TLK2: variants seen among roughly 807,000 people sequenced by gnomAD.
TLK2 encodes the protein serine/threonine-protein kinase tousled-like 2.
TLK2 carries 6 observed loss-of-function variants against 117.3 expected under a neutral mutation model. The observed-to-expected ratio is 0.05, with a 90% confidence interval of 0.03 to 0.10. The LOEUF is 0.10. Among genes scored for constraint, TLK2 ranks in the 10% least tolerant of loss-of-function variants. The pLI is 1.00. For missense variants in TLK2, 299 were observed against 901.2 expected (o/e 0.33, Z 8.56); for synonymous variants, 257 against 316.7 (o/e 0.81, Z 2.00).
At chr17:62,578,147 T>A (rs949698495) in intron 13 of TLK2, among the ~76,000 whole-genome samples, 2 of 152,210 alleles carry the variant, frequency 1.3e-5, no homozygotes, top group Admixed American at 1.3e-4. Context: ...AAAAAATGTT[T>A]CCATGTCTAA....
rs1598442556 is a variant in TLK2, at chr17:62,538,570, T to C, written c.531+2233T>C. 3.9e-5 allele frequency among the ~76,000 whole-genome samples: 6 copies of C among 152,286 alleles called. 1 individual carries two copies. Among genetic ancestry groups the C allele is most frequent in the Admixed American group, 3.9e-4 (6 of 15,296 alleles). ...TCCCCTTTCCATCTTCTGTAAAAAG[T>C]ATGGTATGTAGGCTTGTGGTGGATG... On this transcript the variant is annotated intron_variant, in intron 7 of 21. Coordinates refer to ENST00000346027, the MANE Select transcript of TLK2 (RefSeq NM_006852.6).
rs1022381332 is a variant in TLK2 at position 62,505,442 on chromosome 17, C to T, written c.82-15331C>T. 2.3e-4 allele frequency among the ~76,000 whole-genome samples: 12 copies of T among 52,984 alleles called. No individual in the cohort carries two copies. The Admixed American group carries it at 3.6e-3, about 16-fold the overall frequency. The allele number at this position is 52,984 out of a possible 152,430, so 34.8% of individuals were successfully genotyped here. A position where few individuals can be genotyped will look rare whatever the true frequency, so the allele number is the denominator to read the frequency against. On this transcript the variant is annotated intron_variant, in intron 2 of 21. Coordinates refer to ENST00000346027, the MANE Select transcript of TLK2 (RefSeq NM_006852.6). ...TTTTTTTTTTTTTTTTTGGTAGAGA[C>T]CGGGTCTCACTACATTGCTCAAGCT... is the stretch of plus-strand genomic sequence containing the variant.
chr17:62,591,628 C>A (rs1281673381), intron 16 of TLK2, among the ~76,000 whole-genome samples: 1 of 152,164 alleles, frequency 6.6e-6, no homozygotes, highest in East Asian at 1.9e-4. Flanking sequence ...TCAGGGGAGG[C>A]AAAATGGCCA....
intron 10 of TLK2, among the ~76,000 whole-genome samples, chr17:62,564,309 G>A (rs969159661): frequency 6.6e-6 from 1 of 152,098 alleles, no homozygotes; most frequent in South Asian, 2.1e-4. Flanking sequence ...AGGCCAAGGC[G>A]GGCAAATCAT....
intron 1 of TLK2, among the ~76,000 whole-genome samples, chr17:62,479,954 T>C (rs2071426212): frequency 6.6e-6 from 1 of 152,208 alleles, no homozygotes; most frequent in African/African-American, 2.4e-5. Context: ...CTCTTTTTTT[T>C]CCTTCTTTTT....
At chr17:62,545,692 C>T (rs1193510070) in intron 7 of TLK2, among the ~76,000 whole-genome samples, 1 of 151,914 alleles carries the variant, frequency 6.6e-6, no homozygotes, top group African/African-American at 2.4e-5. Flanking sequence ...CAAAGTTCCT[C>T]TTGTTGTTGT....
chr17:62,516,659 C>T, intron 2 of TLK2: 14 of 1,609,902 alleles, frequency 8.7e-6, no homozygotes, highest in Non-Finnish European at 1.2e-5. Flanking sequence ...ACATTCTTGT[C>T]TGCCAGCTCC....
chr17:62,538,000 TG>T (rs2077229085), intron 7 of TLK2, among the ~76,000 whole-genome samples: 1 of 151,998 alleles, frequency 6.6e-6, no homozygotes, highest in Non-Finnish European at 1.5e-5. Context: ...AGATTGTTAA[TG>T]TTTATCATAC....
chr17:62,574,950 G>A lies in TLK2; in HGVS notation c.1121+1583G>A, dbSNP rs573703224. Among the ~76,000 whole-genome samples the A allele has an allele frequency of 9.2e-5, 14 of 152,198 alleles. No individual in the cohort carries two copies. The East Asian group carries it at 2.3e-3, about 25-fold the overall frequency. Reference sequence around the variant, plus strand: ...TTTCCTTTCAGCAAGTCCAAGTAGGGGCTCAAATTTGAAAGATTGTCCAGG... The same window carrying A: ...TTTCCTTTCAGCAAGTCCAAGTAGGAGCTCAAATTTGAAAGATTGTCCAGG... On this transcript the variant is annotated intron_variant, in intron 12 of 21. Coordinates refer to ENST00000346027, the MANE Select transcript of TLK2 (RefSeq NM_006852.6).
chr17:62,580,221 T>C, intron 15 of TLK2, 29 bp downstream of exon 15: 1 of 1,552,390 alleles, frequency 6.4e-7, no homozygotes, highest in Non-Finnish European at 8.8e-7. Context: ...ATACAAAGAC[T>C]GGGGGTTAAA....
At chr17:62,578,013 C>G (rs562394964) in intron 13 of TLK2, among the ~76,000 whole-genome samples, 1 of 152,326 alleles carries the variant, frequency 6.6e-6, no homozygotes, top group East Asian at 1.9e-4. Context: ...TGCCATTGCA[C>G]TCCAGCCTGG....
At chr17:62,523,985 T>C (rs560392866) in intron 5 of TLK2, among the ~76,000 whole-genome samples, 21 of 152,252 alleles carry the variant, frequency 1.4e-4, no homozygotes, top group African/African-American at 4.6e-4. Context: ...CCTTTCAAAA[T>C]CATGTATACC....
chr17:62,595,478 C>T (rs186369924), intron 16 of TLK2, among the ~76,000 whole-genome samples: 1 of 152,078 alleles, frequency 6.6e-6, no homozygotes, highest in Admixed American at 6.5e-5. Flanking sequence ...ACCAGCATCA[C>T]CACAAGCGCG....
At chr17:62,530,098 C>T (rs375193447) in intron 6 of TLK2, among the ~76,000 whole-genome samples, 2 of 151,994 alleles carry the variant, frequency 1.3e-5, no homozygotes, top group African/African-American at 4.8e-5. Context: ...TGTGGTGAAA[C>T]CCTGTCTCTA....
At chr17:62,537,865 A>T (rs1318463925) in intron 7 of TLK2, among the ~76,000 whole-genome samples, 1 of 152,098 alleles carries the variant, frequency 6.6e-6, no homozygotes, top group Non-Finnish European at 1.5e-5. Context: ...ATACTTTAAA[A>T]ATGGGAGAAT....
intron 2 of TLK2, among the ~76,000 whole-genome samples, chr17:62,493,710 C>T (rs2073351589): frequency 6.6e-6 from 1 of 152,038 alleles, no homozygotes; most frequent in South Asian, 2.1e-4. Context: ...GTATTATTGG[C>T]CCAGTAAGTA....
intron 16 of TLK2, among the ~76,000 whole-genome samples, chr17:62,595,270 C>T (rs917492588): frequency 2.0e-5 from 3 of 150,136 alleles, no homozygotes; most frequent in East Asian, 1.9e-4. Context: ...CATGAGCTGC[C>T]GTGCCTGGCC....
chr17:62,601,125 C>G (rs1326249388), intron 18 of TLK2, among the ~76,000 whole-genome samples: 1 of 152,158 alleles, frequency 6.6e-6, no homozygotes, highest in Non-Finnish European at 1.5e-5. Flanking sequence ...TTTCCCATGA[C>G]TCCTACTACA....
chr17:62,590,374 GGTT>G (rs1300807427), intron 16 of TLK2, among the ~76,000 whole-genome samples: 1 of 152,114 alleles, frequency 6.6e-6, no homozygotes, highest in Non-Finnish European at 1.5e-5. Context: ...AGGAGGCAGA[GGTT>G]GTGGTGAGCC....
Sources: allele counts gnomAD v4.1 joint callset (sites outside exome capture counted in the v4.1 genomes callset), GRCh38; gene constraint gnomAD v4.1.1; transcripts MANE v1.5; gene names NCBI Gene and HGNC (gene_info 2026-07-23, HGNC 2026-07-21).